SOD2: variants seen among roughly 807,000 people sequenced by gnomAD.
The protein encoded by SOD2 is superoxide dismutase [Mn], mitochondrial.
In SOD2, 11 loss-of-function variants were observed where a neutral mutation model predicts 27.0. The observed-to-expected ratio is 0.41, with a 90% CI of 0.26 to 0.67. SOD2 has a LOEUF of 0.67. SOD2 is among the 30% of genes least tolerant of loss of function. The probability of loss-of-function intolerance (pLI) is 0.34; values close to 1 mark genes in which losing one functional copy is unlikely to be tolerated. For missense variants in SOD2, 250 were observed against 274.5 expected, an observed-to-expected ratio of 0.91 and a Z score of 0.63; for synonymous variants, 105 against 103.0, an observed-to-expected ratio of 1.02 and a Z score of -0.12.
At chr6:159,753,806 ACCCT>A (rs113356611) in intron 1 of SOD2, among the ~76,000 whole-genome samples, 2,445 of 152,036 alleles carry the variant, frequency 0.016, 72 homozygotes, top group African/African-American at 0.056. Context: ...GTTTATCCCC[ACCCT>A]CCTAATTCTT....
chr6:159,704,462 C>T (rs865833954), intron 1 of SOD2, among the ~76,000 whole-genome samples: 1 of 152,216 alleles, frequency 6.6e-6, no homozygotes, highest in African/African-American at 2.4e-5. Context: ...TAGCAAACAG[C>T]ACACCAGGAG....
At chr6:159,693,032 G>A (rs1777307300) in intron 1 of SOD2, 113 bp downstream of exon 1, 25 of 1,450,048 alleles carry the variant, frequency 1.7e-5, no homozygotes, top group East Asian at 5.7e-5. Context: ...CCGCCTGCAG[G>A]TGCCCCGGTC....
At chr6:159,761,666 C>G (rs928586792) in exon 1 of SOD2, 1 of 428,224 alleles carries the variant, frequency 2.3e-6, no homozygotes, top group Non-Finnish European at 4.6e-6. Context: ...TTGTCACCCC[C>G]CAGTCTTTAC....
chr6:159,675,764 C>A lies in SOD2; in HGVS notation c.*6729G>T, dbSNP rs1235742587. On this transcript the variant is annotated 3_prime_UTR_variant, in exon 5 of 5. Transcript: ENST00000538183. ...TTGACAAATGGGATCTCATTAAACT[C>A]AAGAGCTTCTGCACAGCAAAAGAAA... 3.9e-5 allele frequency: 6 copies of A among 152,110 alleles called. No homozygotes were observed. The South Asian group carries it at 8.3e-4, about 21-fold the overall frequency. The allele number at this position is 152,110 out of a possible 1,614,324, so 9.4% of individuals were successfully genotyped here.
Position 159,670,899 on chromosome 6 carries a change from C to T in SOD2, c.*11594G>A, listed in dbSNP as rs1008789265. 6.6e-6 allele frequency: 1 copy of T among 152,264 alleles called. No individual in the cohort carries two copies. Among genetic ancestry groups the T allele is most frequent in the African/African-American group, 2.4e-5 (1 of 41,446 alleles). 9.4% of individuals were successfully genotyped at this position (152,264 alleles called of 1,614,324 possible). A position where few individuals can be genotyped will look rare whatever the true frequency, so the allele number is the denominator to read the frequency against. ...TTGGGTCACTCCCACCCTAATACTG[C>T]GTTTTTCCAATGGTCTTAGCAAACG... is the stretch of plus-strand genomic sequence containing the variant. On this transcript the variant is annotated 3_prime_UTR_variant, in exon 5 of 5. Transcript: ENST00000538183.
intron 1 of SOD2, among the ~76,000 whole-genome samples, chr6:159,740,764 C>A (rs1011921101): frequency 6.7e-6 from 1 of 148,182 alleles, no homozygotes. Context: ...AATGCAGTTG[C>A]GCGATCTCGG....
At chr6:159,690,985 T>G (rs189962830) in intron 2 of SOD2, 1 of 152,208 alleles carries the variant, frequency 6.6e-6, no homozygotes, top group South Asian at 2.1e-4. Flanking sequence ...TTTTATCTTT[T>G]TTCCCCAAGT....
rs201365555 is a variant in SOD2 at position 159,710,852 on chromosome 6, T to TC, written c.-116+16276dup. Among the ~76,000 whole-genome samples the TC allele has an allele frequency of 7.0e-4, 95 of 135,258 alleles. 1 individual carries two copies. Among genetic ancestry groups the TC allele is most frequent in the East Asian group, 6.4e-3 (26 of 4,062 alleles). The allele number at this position is 135,258 out of a possible 152,430, so 88.7% of individuals were successfully genotyped here. A position where few individuals can be genotyped will look rare whatever the true frequency, so the allele number is the denominator to read the frequency against. ...CATTGCTCTGATCACCATAACCACC[T>TC]CATAACCACCACTCAGCTGCTCTGA... On this transcript the variant is annotated intron_variant, in intron 1 of 2. Coordinates refer to the SOD2 transcript ENST00000401980.
At chr6:159,713,209 G>C in intron 1 of SOD2, 1 of 958,044 alleles carries the variant, frequency 1.0e-6, no homozygotes, top group Non-Finnish European at 1.6e-6. Context: ...AGTAATTGCG[G>C]TCTTTTCCAA....
chr6:159,757,760 G>A (rs893650340), intron 1 of SOD2, among the ~76,000 whole-genome samples: 2 of 152,098 alleles, frequency 1.3e-5, no homozygotes, highest in Non-Finnish European at 2.9e-5. Flanking sequence ...AATCCTATAC[G>A]ATTTTTAATT....
chr6:159,755,744 T>C (rs1331470743), intron 1 of SOD2: 96 of 1,188,660 alleles, frequency 8.1e-5, no homozygotes, highest in South Asian at 5.9e-4. Context: ...TTGTTTTTTT[T>C]CTTTGTTTTT....
At chr6:159,723,454 A>G (rs550419758) in intron 1 of SOD2, among the ~76,000 whole-genome samples, 1 of 152,354 alleles carries the variant, frequency 6.6e-6, no homozygotes, top group Non-Finnish European at 1.5e-5. Flanking sequence ...GCATTCAGGC[A>G]CAACGAAATA....
chr6:159,714,855 C>T (rs1777897108), intron 1 of SOD2, among the ~76,000 whole-genome samples: 1 of 152,094 alleles, frequency 6.6e-6, no homozygotes, highest in African/African-American at 2.4e-5. Flanking sequence ...TTTAGTTATA[C>T]ATAAGAGGCT....
At chr6:159,693,117 G>A in intron 1 of SOD2, 28 bp downstream of exon 1, 1 of 1,527,468 alleles carries the variant, frequency 6.5e-7, no homozygotes, top group Admixed American at 2.0e-5. Flanking sequence ...CGCCCTTGGG[G>A]CCGTGACCGG....
At chr6:159,748,404 T>C (rs1340971443), upstream of SOD2, 1 of 1,609,066 alleles carries the variant, frequency 6.2e-7, no homozygotes, top group African/African-American at 1.3e-5. This position sits in a 1 kb window ranked among gnomAD's most constrained non-coding sequence, Gnocchi z 5.6. Context: ...AAGACTTCCC[T>C]GACAGTCCCA....
At chr6:159,685,219 C>CTTTTTTTTTTTTTTTTTTTTTTTT (rs750824041) in intron 3 of SOD2, among the ~76,000 whole-genome samples, 186 bp from the exon 4 acceptor site, 13 of 73,912 alleles carry the variant, frequency 1.8e-4, no homozygotes, top group Non-Finnish European at 2.7e-4. Context: ...ATAACTTCAA[C>CTTTTTTTTTTTTTTTTTTTTTTTT]TTTTTTTTTT....
chr6:159,723,748 G>C (rs1778085596), intron 1 of SOD2, among the ~76,000 whole-genome samples: 1 of 139,268 alleles, frequency 7.2e-6, no homozygotes, highest in Non-Finnish European at 1.6e-5. Flanking sequence ...CACAGAACTA[G>C]GACTTTTTTT....
At chr6:159,688,719 T>C (rs1462249711) in intron 2 of SOD2, among the ~76,000 whole-genome samples, 4 of 152,080 alleles carry the variant, frequency 2.6e-5, no homozygotes, top group African/African-American at 7.2e-5. Context: ...CCTCCTATTG[T>C]CCTCCACGTC....
chr6:159,673,498 C>T lies in SOD2; in HGVS notation c.*8995G>A, dbSNP rs1399795706. On this transcript the variant is annotated 3_prime_UTR_variant, in exon 5 of 5. Coordinates refer to ENST00000538183, the MANE Select transcript of SOD2 (RefSeq NM_000636.4). ...TGAACAACCTGCTCCTGAATGACTACTGGGTACATAACAAAATGAAGGCAG... is the reference window on the plus strand; with the variant it reads ...TGAACAACCTGCTCCTGAATGACTATTGGGTACATAACAAAATGAAGGCAG... 6.6e-6 allele frequency: 1 copy of T among 152,122 alleles called. No individual in the cohort carries two copies. Among genetic ancestry groups the T allele is most frequent in the African/African-American group, 2.4e-5 (1 of 41,430 alleles). The allele number at this position is 152,122 out of a possible 1,614,324, so 9.4% of individuals were successfully genotyped here. A position where few individuals can be genotyped will look rare whatever the true frequency, so the allele number is the denominator to read the frequency against.
Sources: allele counts gnomAD v4.1 joint callset (sites outside exome capture counted in the v4.1 genomes callset), GRCh38; gene constraint gnomAD v4.1.1; non-coding constraint Gnocchi (gnomAD v3.1); transcripts MANE v1.5; gene names NCBI Gene and HGNC (gene_info 2026-07-23, HGNC 2026-07-21).